Variants in ATG7 observed in about 807,000 individuals in gnomAD.
The protein encoded by ATG7 is autophagy related 7.
ATG7 carries 70 observed loss-of-function variants against 82.4 expected under a neutral mutation model. The ratio of observed to expected loss-of-function variants is 0.85; its 90% CI spans 0.70 to 1.04. The LOEUF is 1.04. ATG7 is among the 50% of genes least tolerant of loss of function. The pLI is 0.00. For missense variants in ATG7, 792 were observed against 864.3 expected, an observed-to-expected ratio of 0.92 and a Z score of 1.05; for synonymous variants, 287 against 313.0, an observed-to-expected ratio of 0.92 and a Z score of 0.88.
chr3:11,431,685 T>G (rs762615233), intron 20 of ATG7, among the ~76,000 whole-genome samples: 17 of 152,202 alleles, frequency 1.1e-4, no homozygotes, highest in Non-Finnish European at 1.6e-4. Flanking sequence ...TTTTTAAGGT[T>G]TATTCATGTT....
intron 19 of ATG7, among the ~76,000 whole-genome samples, chr3:11,396,324 A>T (rs34830847): frequency 1.3e-5 from 2 of 151,698 alleles, no homozygotes; most frequent in Admixed American, 6.6e-5. Context: ...CTGTAGTTCC[A>T]GCTACTTCAG....
chr3:11,392,038 A>G (rs531387179), intron 19 of ATG7, among the ~76,000 whole-genome samples: 1 of 152,030 alleles, frequency 6.6e-6, no homozygotes, highest in South Asian at 2.1e-4. Context: ...TGTCTTTGGA[A>G]ATCTTGTCCT....
chr3:11,511,773 G>A (rs1205344866), intron 20 of ATG7, among the ~76,000 whole-genome samples: 5 of 152,266 alleles, frequency 3.3e-5, no homozygotes, highest in East Asian at 1.9e-4. Flanking sequence ...GCGAGAAATC[G>A]AGCACAGCAC....
At chr3:11,540,907 T>TGGCGGGGG (rs1478475481) in intron 20 of ATG7, among the ~76,000 whole-genome samples, 1 of 34,996 alleles carries the variant, frequency 2.9e-5, no homozygotes, top group Non-Finnish European at 7.4e-5. Context: ...TAGCTTTTTT[T>TGGCGGGGG]GGGGGGGGGA....
chr3:11,550,319 C>T (rs1282997470), intron 20 of ATG7, among the ~76,000 whole-genome samples: 2 of 151,282 alleles, frequency 1.3e-5, no homozygotes, highest in East Asian at 3.9e-4. Context: ...TGTTTAAGGG[C>T]CATTTGCTTA....
intron 20 of ATG7, among the ~76,000 whole-genome samples, chr3:11,502,362 T>C (rs1233744137): frequency 7.5e-6 from 1 of 133,950 alleles, no homozygotes; most frequent in Non-Finnish European, 1.6e-5. Context: ...CTCCCAATGC[T>C]ATCCCTCCCC....
At position 11,471,994 on chromosome 3, in the gene ATG7, C is replaced by T. The variant is rs1008176279; in HGVS notation, c.2079+45068C>T. 2.6e-5 allele frequency among the ~76,000 whole-genome samples: 4 copies of T among 152,032 alleles called. No homozygotes were observed. The East Asian group carries it at 7.7e-4, about 29-fold the overall frequency. On this transcript the variant is annotated intron_variant, in intron 20 of 20. Coordinates refer to ENST00000693202, the MANE Select transcript of ATG7 (RefSeq NM_001349232.2). ...TTCAAGTGACCTGTCCACTTGGCCT[C>T]CCAAAGTGCTGGGATTACAGGCGTG...
chr3:11,309,984 G>C (rs1051655287), intron 7 of ATG7, among the ~76,000 whole-genome samples: 18 of 152,016 alleles, frequency 1.2e-4, no homozygotes, highest in Middle Eastern at 3.4e-3. Flanking sequence ...GACCAGCCTG[G>C]GCAACACCTT....
chr3:11,560,085 A>C (rs962059602), downstream of ATG7, among the ~76,000 whole-genome samples: 10 of 151,710 alleles, frequency 6.6e-5, no homozygotes. Flanking sequence ...CTGCCTGGCA[A>C]ACTCCCCTTG....
chr3:11,358,317 A>G, intron 14 of ATG7, 101 bp from the exon 15 acceptor site: 5 of 1,180,966 alleles, frequency 4.2e-6, no homozygotes, highest in Non-Finnish European at 6.0e-6. Context: ...GCTCTCATGT[A>G]TGTGAACACA....
intron 19 of ATG7, among the ~76,000 whole-genome samples, chr3:11,404,034 C>A (rs1373517865): frequency 6.6e-6 from 1 of 150,968 alleles, no homozygotes; most frequent in Non-Finnish European, 1.5e-5. Flanking sequence ...TTTTGACCTA[C>A]AATAGTATAA....
chr3:11,440,674 C>CATTTTTT (rs769737485), intron 20 of ATG7, among the ~76,000 whole-genome samples: 1 of 39,484 alleles, frequency 2.5e-5, no homozygotes, highest in African/African-American at 1.1e-4. Flanking sequence ...TCCCCATTTG[C>CATTTTTT]TTTTTTTTTT....
At chr3:11,412,932 GTATTA>G (rs2081046629) in intron 19 of ATG7, among the ~76,000 whole-genome samples, 1 of 151,862 alleles carries the variant, frequency 6.6e-6, no homozygotes, top group Non-Finnish European at 1.5e-5. Flanking sequence ...TAATTCCTAA[GTATTA>G]TATTCTTTTT....
chr3:11,316,369 T>C lies in ATG7; in HGVS notation c.678+876T>C, dbSNP rs111316032. 4.1e-4 allele frequency among the ~76,000 whole-genome samples: 62 copies of C among 152,372 alleles called. 1 individual carries two copies. The highest frequency in any genetic ancestry group is 1.4e-3 in the African/African-American group (58 of 41,586). ...GAATCTCCATCCCCTTCCCGTCAGA[T>C]ACATCTAAAACTTTTTTTGTATCTT... On this transcript the variant is annotated intron_variant, in intron 9 of 20. Coordinates refer to ENST00000693202, the MANE Select transcript of ATG7 (RefSeq NM_001349232.2).
chr3:11,503,203 G>T (rs2091468165), intron 20 of ATG7, among the ~76,000 whole-genome samples: 1 of 152,124 alleles, frequency 6.6e-6, no homozygotes, highest in Non-Finnish European at 1.5e-5. Context: ...TATACTGAAG[G>T]CCATAGTGGA....
chr3:11,309,280 T>C (rs925439986), intron 7 of ATG7, among the ~76,000 whole-genome samples: 8 of 152,178 alleles, frequency 5.3e-5, no homozygotes, highest in Admixed American at 5.2e-4. Flanking sequence ...CTGGCAGTAA[T>C]TGCATAGTTT....
downstream of ATG7, among the ~76,000 whole-genome samples, chr3:11,560,952 A>T (rs1399930824): frequency 6.6e-6 from 1 of 152,094 alleles, no homozygotes; most frequent in South Asian, 2.1e-4. Context: ...TGAGGCCTGG[A>T]GCAGATCTCA....
chr3:11,379,907 C>G (rs553976770), intron 18 of ATG7, 65 bp from the exon 19 acceptor site: 3 of 1,481,278 alleles, frequency 2.0e-6, no homozygotes, highest in Non-Finnish European at 2.8e-6. Flanking sequence ...AGAAACCAGA[C>G]GTGCATTTCA....
intron 19 of ATG7, among the ~76,000 whole-genome samples, chr3:11,397,708 C>T (rs941487970): frequency 4.9e-5 from 7 of 141,488 alleles, no homozygotes; most frequent in Non-Finnish European, 1.1e-4. Flanking sequence ...CCGCCCACCT[C>T]GGCCTCCCAG....
Sources: allele counts gnomAD v4.1 joint callset (sites outside exome capture counted in the v4.1 genomes callset), GRCh38; gene constraint gnomAD v4.1.1; transcripts MANE v1.5; gene names NCBI Gene and HGNC (gene_info 2026-07-23, HGNC 2026-07-21).